Variants in PLPP7 observed in about 807,000 individuals in gnomAD.
PLPP7 encodes inactive phospholipid phosphatase 7.
In PLPP7, 11 loss-of-function variants were observed where a neutral mutation model predicts 16.9. That is an observed-to-expected ratio of 0.65 (90% CI 0.41 to 1.08). The LOEUF is 1.08. Ranked by LOEUF, PLPP7 falls within the 50% of genes least tolerant of loss-of-function variation. The probability of loss-of-function intolerance (pLI) is 0.00; values close to 1 mark genes in which losing one functional copy is unlikely to be tolerated. For missense variants in PLPP7, 358 were observed against 397.1 expected, an observed-to-expected ratio of 0.90 and a Z score of 0.84; for synonymous variants, 174 against 175.1, an observed-to-expected ratio of 0.99 and a Z score of 0.05.
Position 131,290,149 on chromosome 9 carries a change from C to T in PLPP7, c.152C>T (p.Pro51Leu), listed in dbSNP as rs375954774. Residue 51 changes from proline to leucine, a missense_variant, in exon 1 of 2, where the codon CCT (proline) becomes CTT (leucine). Transcript: ENST00000372264. This position sits in a 1 kb window ranked among gnomAD's most constrained non-coding sequence, Gnocchi z 4.2. ...TCGGGCCCATCAGCACAGCCCCCAC[C>T]TGCTGGTGACGGGGCCAGAGAGCGA... ...KASGPSAQPPPAGDGARERRQ... is the reference protein window; with the variant it reads ...KASGPSAQPPLAGDGARERRQ... The T allele has an allele frequency of 1.3e-6, 2 of 1,576,296 alleles. No homozygotes were observed. Among genetic ancestry groups the T allele is most frequent in the South Asian group, 1.2e-5 (1 of 85,894 alleles).
chr9:131,308,281 C>A lies in PLPP7; in HGVS notation c.810C>A (p.Ala270=), dbSNP rs1588211701. The change falls in exon 2 of 2, where the codon GCC becomes GCA. Residue 270 remains alanine, a synonymous_variant. Coordinates refer to ENST00000372264, the MANE Select transcript of PLPP7 (RefSeq NM_032728.4). The part of the protein sequence containing the change: ...PSSTCQMLIS[A]W ...GCACCTGCCAGATGCTCATCTCTGC[C>A]TGGTGAAGCGCCCGCCGGCCCACAC... 4.4e-6 allele frequency: 7 copies of A among 1,583,680 alleles called. No individual in the cohort carries two copies. The highest frequency in any genetic ancestry group is 6.0e-6 in the Non-Finnish European group (7 of 1,172,384).
chr9:131,300,548 G>A (rs1835786104), intron 1 of PLPP7, among the ~76,000 whole-genome samples: 2 of 152,044 alleles, frequency 1.3e-5, no homozygotes, highest in Non-Finnish European at 2.9e-5. Flanking sequence ...AGCCAGTTGT[G>A]GCCTGTGCCT....
chr9:131,296,653 C>G (rs550504265), intron 1 of PLPP7, among the ~76,000 whole-genome samples: 8 of 152,282 alleles, frequency 5.3e-5, no homozygotes, highest in African/African-American at 1.7e-4. Context: ...GAGCCTCTGC[C>G]GCAGCTTGGG....
chr9:131,301,659 C>T (rs1356807285), intron 1 of PLPP7, among the ~76,000 whole-genome samples: 2 of 152,188 alleles, frequency 1.3e-5, no homozygotes, highest in African/African-American at 2.4e-5. Flanking sequence ...CACAGCTTCC[C>T]GGGCCAGGCG....
chr9:131,292,571 T>C (rs1835692660), intron 1 of PLPP7, among the ~76,000 whole-genome samples: 1 of 152,170 alleles, frequency 6.6e-6, no homozygotes, highest in Admixed American at 6.5e-5. Context: ...AACTCTAGCT[T>C]TGCTTTGCGT....
Position 131,307,856 on chromosome 9 carries a change from G to T in PLPP7, c.452-67G>T, listed in dbSNP as rs1835870502. The T allele has an allele frequency of 6.2e-6, 9 of 1,448,742 alleles. No individual in the cohort carries two copies. The East Asian group carries it at 7.2e-5, about 12-fold the overall frequency. 89.7% of individuals were successfully genotyped at this position (1,448,742 alleles called of 1,614,324 possible). On this transcript the variant is annotated intron_variant, in intron 1 of 1. Transcript: ENST00000372264. ...GAAAGGGGAGGCGAGGTGGAAATGT[G>T]GGGGGCCAGGGCCTGGGCCTGGCTG...
chr9:131,291,515 C>A, intron 1 of PLPP7: 1 of 627,728 alleles, frequency 1.6e-6, no homozygotes, highest in Non-Finnish European at 2.0e-6. Flanking sequence ...ATACTTCATG[C>A]AGGAGATGGC....
rs1363464450 is a variant in PLPP7, at chr9:131,290,551, G to A, written c.451+103G>A. On this transcript the variant is annotated intron_variant, in intron 1 of 1. Transcript: ENST00000372264. The surrounding 1 kb of genome is among the most constrained non-coding windows in gnomAD (Gnocchi z 4.2). ...GGGACCTGCACAGCCCTCAGAAACC[G>A]GCTGGGATGGTCTAATGAGGTTAGG... 3.3e-5 allele frequency: 38 copies of A among 1,142,798 alleles called. No homozygotes were observed. The highest frequency in any genetic ancestry group is 6.3e-5 in the African/African-American group (4 of 63,502). 70.8% of individuals were successfully genotyped at this position (1,142,798 alleles called of 1,614,324 possible). A position where few individuals can be genotyped will look rare whatever the true frequency, so the allele number is the denominator to read the frequency against.
Position 131,290,550 on chromosome 9 carries a change from C to T in PLPP7, c.451+102C>T, listed in dbSNP as rs191993326. ...CGGGACCTGCACAGCCCTCAGAAAC[C>T]GGCTGGGATGGTCTAATGAGGTTAG... On this transcript the variant is annotated intron_variant, in intron 1 of 1. Coordinates refer to ENST00000372264, the MANE Select transcript of PLPP7 (RefSeq NM_032728.4). This position sits in a 1 kb window ranked among gnomAD's most constrained non-coding sequence, Gnocchi z 4.2. 3.6e-5 allele frequency: 42 copies of T among 1,161,132 alleles called. No homozygotes were observed. The highest frequency in any genetic ancestry group is 3.0e-4 in the African/African-American group (19 of 64,094). 71.9% of individuals were successfully genotyped at this position (1,161,132 alleles called of 1,614,324 possible). A position where few individuals can be genotyped will look rare whatever the true frequency, so the allele number is the denominator to read the frequency against.
intron 1 of PLPP7, among the ~76,000 whole-genome samples, chr9:131,301,842 AG>A (rs1188387261): frequency 1.6e-5 from 2 of 123,716 alleles, no homozygotes; most frequent in East Asian, 4.6e-4. Context: ...TTTGAGACGG[AG>A]TCTCGCCCTG....
At position 131,308,086 on chromosome 9, in the gene PLPP7, C is replaced by T. The variant is rs1248909580; in HGVS notation, c.615C>T (p.Leu205=). The change falls in exon 2 of 2, where the codon CTC becomes CTT. Residue 205 remains leucine, a synonymous_variant. Transcript: ENST00000372264. ...CCGCCATGGTGTCCAAGTTCTTCCT[C>T]AGCCACCTGGTGCTGGCGGTGCCCC... ...SRAAMVSKFF[L]SHLVLAVPLR... is the part of the protein sequence containing the mutation. 1 of 1,601,416 alleles carries T rather than the reference C, an allele frequency of 6.2e-7. No homozygotes were observed. The highest frequency in any genetic ancestry group is 1.1e-5 in the South Asian group (1 of 91,062).
rs1161166574 is a variant in PLPP7 at position 131,291,062 on chromosome 9, A to G, written c.451+614A>G. ...TCACTGGAGAAGGGTTCGGGGGGCC[A>G]GTTGTGGGTTTGTTTGTTTGCAAAG... On this transcript the variant is annotated intron_variant, in intron 1 of 1. Transcript: ENST00000372264. 6 of 1,366,000 alleles carry G rather than the reference A, an allele frequency of 4.4e-6. No individual in the cohort carries two copies. The Admixed American group carries it at 1.1e-4, about 26-fold the overall frequency. 84.6% of individuals were successfully genotyped at this position (1,366,000 alleles called of 1,614,324 possible). A position where few individuals can be genotyped will look rare whatever the true frequency, so the allele number is the denominator to read the frequency against.
intron 1 of PLPP7, chr9:131,292,911 C>T: frequency 1.0e-6 from 1 of 985,350 alleles, no homozygotes; most frequent in Non-Finnish European, 1.2e-6. Context: ...GCTGTTTGCC[C>T]CACAGGATAA....
rs1008994826 is a variant in PLPP7 at position 131,296,134 on chromosome 9, T to TC, written c.451+5689dup. 2.0e-5 allele frequency among the ~76,000 whole-genome samples: 3 copies of TC among 152,338 alleles called. No individual in the cohort carries two copies. In the East Asian group the frequency reaches 5.8e-4, roughly 29 times the overall value. ...CATTCCCCCAGCAATGCCCAAGGGC[T>TC]CCCATATATCCACATCTTCACCAAC... On this transcript the variant is annotated intron_variant, in intron 1 of 1. Coordinates refer to ENST00000372264, the MANE Select transcript of PLPP7 (RefSeq NM_032728.4).
intron 1 of PLPP7, chr9:131,291,373 G>T: frequency 1.7e-6 from 2 of 1,179,408 alleles, no homozygotes; most frequent in South Asian, 3.1e-5. Context: ...GTTCCAAAAG[G>T]GCATTGGGTT....
At chr9:131,298,755 C>A (rs1278247749) in intron 1 of PLPP7, among the ~76,000 whole-genome samples, 1 of 152,242 alleles carries the variant, frequency 6.6e-6, no homozygotes, top group African/African-American at 2.4e-5. Flanking sequence ...TCCTGCCTGG[C>A]CTCTGGGAGC....
At chr9:131,303,388 A>G (rs375045510) in intron 1 of PLPP7, among the ~76,000 whole-genome samples, 1 of 151,328 alleles carries the variant, frequency 6.6e-6, no homozygotes, top group East Asian at 1.9e-4. Context: ...AAAGGTCTGG[A>G]ACAATGACTA....
At chr9:131,293,704 G>A (rs1051788020) in intron 1 of PLPP7, among the ~76,000 whole-genome samples, 2 of 152,194 alleles carry the variant, frequency 1.3e-5, no homozygotes, top group African/African-American at 4.8e-5. Flanking sequence ...CTTGCTGTAC[G>A]CACATGCTCA....
At chr9:131,304,560 G>T (rs940012646) in intron 1 of PLPP7, among the ~76,000 whole-genome samples, 1 of 152,136 alleles carries the variant, frequency 6.6e-6, no homozygotes, top group African/African-American at 2.4e-5. Flanking sequence ...ACTTGAACCC[G>T]GAAGGCGGAG....
Sources: allele counts gnomAD v4.1 joint callset (sites outside exome capture counted in the v4.1 genomes callset), GRCh38; gene constraint gnomAD v4.1.1; non-coding constraint Gnocchi (gnomAD v3.1); transcripts MANE v1.5; gene names NCBI Gene and HGNC (gene_info 2026-07-23, HGNC 2026-07-21).